The following ADARB2 variants were observed in gnomAD, a reference collection of about 807,000 sequenced individuals.
ADARB2 encodes inactive double-stranded RNA-specific editase B2.
Under a neutral mutation model 62.2 loss-of-function variants are expected in ADARB2, and 25 were observed. The ratio of observed to expected loss-of-function variants is 0.40; its 90% CI spans 0.29 to 0.56. The LOEUF (loss-of-function observed/expected upper bound fraction) is 0.56. Ranked by LOEUF, ADARB2 falls within the 20% of genes least tolerant of loss-of-function variation. The probability of loss-of-function intolerance (pLI) is 0.43; values close to 1 mark genes in which losing one functional copy is unlikely to be tolerated. For missense variants in ADARB2, 1,071 were observed against 1,077.4 expected (o/e 0.99, Z 0.08); for synonymous variants, 572 against 500.8 (o/e 1.14, Z -1.90).
Position 1,720,800 on chromosome 10 carries a change from CA to C in ADARB2, c.100+16250del, listed in dbSNP as rs552531368. ...TCACTCAAGGCAAATTTGGGGGCAG[CA>C]ACTAATATCATATGGAAAAAGAAGA... is the stretch of plus-strand genomic sequence containing the variant. On this transcript the variant is annotated intron_variant, in intron 1 of 9. Coordinates refer to ENST00000381312, the MANE Select transcript of ADARB2 (RefSeq NM_018702.4). Among the ~76,000 whole-genome samples the C allele has an allele frequency of 1.4e-4, 21 of 152,212 alleles. No individual in the cohort carries two copies. The South Asian group carries it at 3.9e-3, about 29-fold the overall frequency.
chr10:1,668,336 G>A (rs1473367633), intron 1 of ADARB2, among the ~76,000 whole-genome samples: 1 of 152,154 alleles, frequency 6.6e-6, no homozygotes, highest in African/African-American at 2.4e-5. Context: ...TAGGAATGAG[G>A]CACAAAGGAC....
Position 1,272,962 on chromosome 10 carries a change from C to T in ADARB2, c.1078-1893G>A, listed in dbSNP as rs1038359922. 4.6e-5 allele frequency among the ~76,000 whole-genome samples: 7 copies of T among 152,296 alleles called. No homozygotes were observed. In the East Asian group the frequency reaches 5.8e-4, roughly 13 times the overall value. On this transcript the variant is annotated intron_variant, in intron 3 of 9. Transcript: ENST00000381312. ...CCTGCCTCTCCTGGCTCCAGGCCTC[C>T]GGGCGTCCCTGGGTGGTGGCCGCAT... is the stretch of plus-strand genomic sequence containing the variant.
intron 3 of ADARB2, among the ~76,000 whole-genome samples, chr10:1,346,753 G>A (rs1832084750): frequency 6.6e-6 from 1 of 152,276 alleles, no homozygotes; most frequent in South Asian, 2.1e-4. Flanking sequence ...CCAGGCCCAT[G>A]TCAGGCGAGG....
At chr10:1,360,687 C>G (rs1832244461) in intron 3 of ADARB2, among the ~76,000 whole-genome samples, 1 of 152,216 alleles carries the variant, frequency 6.6e-6, no homozygotes, top group Admixed American at 6.5e-5. Context: ...AAATGGGCCC[C>G]TTGGACGCCG....
chr10:1,633,576 C>CTA (rs368437872), intron 1 of ADARB2, among the ~76,000 whole-genome samples: 8 of 145,316 alleles, frequency 5.5e-5, no homozygotes, highest in Non-Finnish European at 7.5e-5. Context: ...ATCTATCTAT[C>CTA]TATCTATCTA....
Position 1,258,818 on chromosome 10 carries a change from G to C in ADARB2, c.1192+12137C>G, listed in dbSNP as rs377022239. On this transcript the variant is annotated intron_variant, in intron 4 of 9. Coordinates refer to ENST00000381312, the MANE Select transcript of ADARB2 (RefSeq NM_018702.4). ...GCAGACCTAATAGACATCTACAGAA[G>C]TCTCCACCCCAAATCAACAGAATAT... Among the ~76,000 whole-genome samples the C allele has an allele frequency of 3.7e-4, 56 of 152,176 alleles. 1 individual carries two copies. The highest frequency in any genetic ancestry group is 7.5e-4 in the African/African-American group (31 of 41,520).
intron 4 of ADARB2, among the ~76,000 whole-genome samples, chr10:1,261,385 A>G (rs1413134566): frequency 6.8e-6 from 1 of 147,922 alleles, no homozygotes; most frequent in Non-Finnish European, 1.5e-5. Flanking sequence ...AATGGGAGAA[A>G]ATTTTCGCAA....
intron 1 of ADARB2, among the ~76,000 whole-genome samples, chr10:1,516,765 A>G (rs887762423): frequency 1.3e-5 from 2 of 152,236 alleles, no homozygotes; most frequent in Non-Finnish European, 2.9e-5. Flanking sequence ...AAAATGAGTT[A>G]AAGTATGAGG....
At chr10:1,632,920 G>A (rs991200639) in intron 1 of ADARB2, among the ~76,000 whole-genome samples, 6 of 152,192 alleles carry the variant, frequency 3.9e-5, no homozygotes, top group Non-Finnish European at 7.3e-5. Flanking sequence ...CATTTGAAAT[G>A]GTAAACTGAG....
chr10:1,355,269 C>T (rs1469122114), intron 3 of ADARB2, among the ~76,000 whole-genome samples: 1 of 152,208 alleles, frequency 6.6e-6, no homozygotes. Context: ...TGTTCTGTGT[C>T]CTCCATCAGC....
At chr10:1,200,291 A>G (rs1335301594) in intron 7 of ADARB2, 144 bp from the exon 8 acceptor site, 5 of 1,079,492 alleles carry the variant, frequency 4.6e-6, no homozygotes, top group Non-Finnish European at 7.0e-6. Flanking sequence ...AGTGCCCCAG[A>G]CCCAACCCAG....
At chr10:1,227,608 C>T (rs991982944) in intron 6 of ADARB2, among the ~76,000 whole-genome samples, 40 of 152,132 alleles carry the variant, frequency 2.6e-4, no homozygotes, top group African/African-American at 9.7e-4. Flanking sequence ...TCAAGTGAAT[C>T]TTTTATTTTT....
intron 4 of ADARB2, among the ~76,000 whole-genome samples, chr10:1,263,815 C>G (rs1488801157): frequency 6.6e-6 from 1 of 152,036 alleles, no homozygotes; most frequent in Non-Finnish European, 1.5e-5. Flanking sequence ...TTATTCCAGG[C>G]TAAACTATTT....
intron 3 of ADARB2, among the ~76,000 whole-genome samples, chr10:1,352,518 C>A (rs997541198): frequency 1.3e-4 from 20 of 152,276 alleles, no homozygotes; most frequent in Non-Finnish European, 2.8e-4. Flanking sequence ...GAGCCAGGAC[C>A]GCGTCCTGTA....
chr10:1,452,445 C>T (rs1264267613), intron 1 of ADARB2, among the ~76,000 whole-genome samples: 1 of 152,066 alleles, frequency 6.6e-6, no homozygotes, highest in Non-Finnish European at 1.5e-5. Context: ...CAGGTGATGC[C>T]ATGGAATACT....
At chr10:1,469,201 A>C (rs929487048) in intron 1 of ADARB2, among the ~76,000 whole-genome samples, 7 of 152,350 alleles carry the variant, frequency 4.6e-5, no homozygotes, top group Admixed American at 3.3e-4. Context: ...ATGTTTCTAC[A>C]GCAGAACTAA....
chr10:1,549,363 A>G (rs985482650), intron 1 of ADARB2, among the ~76,000 whole-genome samples: 1 of 152,188 alleles, frequency 6.6e-6, no homozygotes, highest in Non-Finnish European at 1.5e-5. Context: ...GCTCTTTTTG[A>G]AAGCCCTGGG....
At chr10:1,673,014 A>G (rs1834411020) in intron 1 of ADARB2, among the ~76,000 whole-genome samples, 1 of 152,152 alleles carries the variant, frequency 6.6e-6, no homozygotes, top group Non-Finnish European at 1.5e-5. Flanking sequence ...GGAGGGGACC[A>G]GGGGGATGAA....
intron 1 of ADARB2, among the ~76,000 whole-genome samples, chr10:1,612,261 C>G (rs969303388): frequency 6.6e-6 from 1 of 152,184 alleles, no homozygotes; most frequent in Non-Finnish European, 1.5e-5. Flanking sequence ...CGAATCTGCC[C>G]TGCAGGAGGG....
Sources: gnomAD v4.1 joint callset for allele counts (sites outside exome capture counted in the v4.1 genomes callset) on GRCh38, gnomAD v4.1.1 for gene constraint, MANE v1.5 for transcripts, NCBI Gene and HGNC (gene_info 2026-07-23, HGNC 2026-07-21) for gene names.